THADA: variants seen among roughly 807,000 people sequenced by gnomAD.
THADA encodes the protein THADA armadillo repeat containing.
Under a neutral mutation model 219.8 loss-of-function variants are expected in THADA, and 213 were observed. That is an observed-to-expected ratio of 0.97 (90% CI 0.87 to 1.09). THADA has a LOEUF of 1.09. THADA is among the 50% of genes least tolerant of loss of function. The pLI, the probability that THADA is intolerant of heterozygous loss-of-function variation, is 0.00. For synonymous variants in THADA, 1,018 were observed against 828.9 expected (o/e 1.23, Z -3.92); for missense variants, 2,956 against 2,311.3 (o/e 1.28, Z -5.72).
intron 28 of THADA, among the ~76,000 whole-genome samples, chr2:43,418,750 T>C (rs1368275106): frequency 1.3e-5 from 2 of 151,324 alleles, no homozygotes; most frequent in African/African-American, 4.9e-5. Flanking sequence ...ATACCAATGT[T>C]TGAGAGGCAG....
intron 22 of THADA, among the ~76,000 whole-genome samples, chr2:43,521,071 TA>T (rs1187570783): frequency 1.4e-5 from 1 of 71,510 alleles, no homozygotes; most frequent in African/African-American, 5.6e-5. Context: ...AAGGGAAGGA[TA>T]GGAAGGGAAG....
intron 28 of THADA, among the ~76,000 whole-genome samples, chr2:43,427,882 G>A (rs1299587350): frequency 6.7e-6 from 1 of 149,636 alleles, no homozygotes; most frequent in Non-Finnish European, 1.5e-5. Flanking sequence ...CGTGAACCTG[G>A]GAGGGGGAGC....
chr2:43,353,635 T>C (rs1668539274), intron 29 of THADA, among the ~76,000 whole-genome samples: 1 of 152,136 alleles, frequency 6.6e-6, no homozygotes, highest in African/African-American at 2.4e-5. Flanking sequence ...TCCCAATCTG[T>C]AGGTTGCCTT....
At chr2:43,232,522 G>A (rs1667559505) in intron 37 of THADA, among the ~76,000 whole-genome samples, 191 bp downstream of exon 37, 1 of 152,204 alleles carries the variant, frequency 6.6e-6, no homozygotes, top group Non-Finnish European at 1.5e-5. Flanking sequence ...GCTGGAGGCT[G>A]ACCATCAGCA....
chr2:43,280,926 T>TTG (rs1478353775), intron 35 of THADA, among the ~76,000 whole-genome samples: 1 of 151,842 alleles, frequency 6.6e-6, no homozygotes, highest in African/African-American at 2.4e-5. Flanking sequence ...AAGATGAGAG[T>TTG]GGACTGCTGT....
rs111520011 is a variant in THADA at position 43,584,193 on chromosome 2, T to A, written c.533+2208A>T. Among the ~76,000 whole-genome samples, 1,192 of 152,214 alleles carry A rather than the reference T, an allele frequency of 7.8e-3. 17 individuals carry two copies. Among genetic ancestry groups the A allele is most frequent in the African/African-American group, 0.027 (1,132 of 41,520 alleles). On this transcript the variant is annotated intron_variant, in intron 7 of 37. Coordinates refer to ENST00000405975, the MANE Select transcript of THADA (RefSeq NM_022065.5). ...CCTGGGGCTACAGGAAAAGACTTTT[T>A]TAAAAAAATAAATTTTCCTTTCTTT...
chr2:43,518,844 A>G (rs2103668908), intron 22 of THADA, among the ~76,000 whole-genome samples: 1 of 152,240 alleles, frequency 6.6e-6, no homozygotes, highest in South Asian at 2.1e-4. Context: ...AGGATTTCCC[A>G]GAATGCTGGA....
intron 29 of THADA, among the ~76,000 whole-genome samples, chr2:43,384,584 T>C (rs2104667442): frequency 6.6e-6 from 1 of 152,374 alleles, no homozygotes; most frequent in Non-Finnish European, 1.5e-5. Flanking sequence ...CTTGTATCTC[T>C]GTTCTCTATA....
Position 43,351,615 on chromosome 2 carries a change from T to C in THADA, c.4228-7378A>G, listed in dbSNP as rs148500997. On this transcript the variant is annotated intron_variant, in intron 29 of 37. Coordinates refer to ENST00000405975, the MANE Select transcript of THADA (RefSeq NM_022065.5). ...TCATCATGGTTATCAATCTATACTA[T>C]CCTTTTCTAGAGTATAGAGCTCTTT... 5.0e-3 allele frequency among the ~76,000 whole-genome samples: 762 copies of C among 152,310 alleles called. 2 individuals are homozygous for C. The highest frequency in any genetic ancestry group is 0.017 in the Middle Eastern group (5 of 294).
At chr2:43,333,281 A>G (rs559223275) in intron 30 of THADA, 1 of 152,322 alleles carries the variant, frequency 6.6e-6, no homozygotes, top group East Asian at 1.9e-4. Context: ...GGAAGTGAAC[A>G]TATGTCAGCA....
At chr2:43,358,810 C>G (rs1558635553) in intron 29 of THADA, among the ~76,000 whole-genome samples, 1 of 152,156 alleles carries the variant, frequency 6.6e-6, no homozygotes, top group Non-Finnish European at 1.5e-5. Flanking sequence ...ACAGACTCCT[C>G]TTTTAGAAAA....
At chr2:43,547,331 T>C (rs918158611) in intron 20 of THADA, among the ~76,000 whole-genome samples, 1 of 152,246 alleles carries the variant, frequency 6.6e-6, no homozygotes, top group African/African-American at 2.4e-5. Context: ...TTGGTGAATC[T>C]GACAATTATC....
intron 22 of THADA, among the ~76,000 whole-genome samples, chr2:43,509,134 T>G (rs894188130): frequency 1.3e-5 from 2 of 152,220 alleles, no homozygotes; most frequent in African/African-American, 4.8e-5. Context: ...TATAAGTTTA[T>G]AGTTTACTAT....
chr2:43,502,599 A>G (rs796701060), intron 24 of THADA, among the ~76,000 whole-genome samples: 104 of 146,430 alleles, frequency 7.1e-4, no homozygotes, highest in Middle Eastern at 3.5e-3. Flanking sequence ...AAAAAAAAAA[A>G]AAAGAAAGAA....
At chr2:43,498,569 T>C (rs762851771) in intron 25 of THADA, among the ~76,000 whole-genome samples, 6 of 151,934 alleles carry the variant, frequency 3.9e-5, no homozygotes, top group Admixed American at 6.6e-5. Context: ...GAGTAGTCTG[T>C]GATCAGTCAA....
At position 43,574,464 on chromosome 2, in the gene THADA, A is replaced by G; in HGVS notation, c.1601T>C (p.Leu534Ser). The G allele has an allele frequency of 1.9e-6, 3 of 1,613,674 alleles. No homozygotes were observed. Among genetic ancestry groups the G allele is most frequent in the Non-Finnish European group, 2.5e-6 (3 of 1,179,722 alleles). Residue 534 changes from leucine (L) to serine (S), a missense_variant, in exon 11 of 38, where the codon TTG becomes TCG. Transcript: ENST00000405975. The stretch of plus-strand genomic sequence containing the variant: ...TTTTTGATCCAAGTTTCCTTCACAC[A>G]ATATAAAAAGGAGAGGAGAAACCCA... ...ETWVSPLLFI[L>S]CEGNLDQKSY...
chr2:43,282,358 T>C (rs1002503944), intron 35 of THADA, among the ~76,000 whole-genome samples: 9 of 152,198 alleles, frequency 5.9e-5, no homozygotes, highest in Middle Eastern at 3.2e-3. Flanking sequence ...TAAAACCATA[T>C]TGAAGAAAAC....
chr2:43,277,604 G>A (rs1056936255), intron 36 of THADA, among the ~76,000 whole-genome samples: 1 of 152,110 alleles, frequency 6.6e-6, no homozygotes, highest in African/African-American at 2.4e-5. Context: ...ACTGACAGTG[G>A]GAGATCTCAG....
intron 29 of THADA, among the ~76,000 whole-genome samples, chr2:43,366,602 A>T (rs754512833): frequency 2.6e-5 from 4 of 152,230 alleles, no homozygotes. Context: ...TACATACAAC[A>T]TTTCTTAATA....
Sources: gnomAD v4.1 joint callset for allele counts (sites outside exome capture counted in the v4.1 genomes callset) on GRCh38, gnomAD v4.1.1 for gene constraint, MANE v1.5 for transcripts, NCBI Gene and HGNC (gene_info 2026-07-23, HGNC 2026-07-21) for gene names.